Variants in PCDHA10 observed in about 807,000 individuals in gnomAD.
PCDHA10 encodes the protein protocadherin alpha 10.
PCDHA10 carries 45 observed loss-of-function variants against 61.2 expected under a neutral mutation model. The ratio of observed to expected loss-of-function variants is 0.74; its 90% confidence interval spans 0.58 to 0.94. The LOEUF is 0.94. Among genes scored for constraint, PCDHA10 ranks in the 40% least tolerant of loss-of-function variants. The probability of loss-of-function intolerance (pLI) is 0.00; values close to 1 mark genes in which losing one functional copy is unlikely to be tolerated. For missense variants in PCDHA10, 1,278 were observed against 1,236.2 expected (o/e 1.03, Z -0.51); for synonymous variants, 602 against 548.8 (o/e 1.10, Z -1.35).
At position 141,010,067 on chromosome 5, in the gene PCDHA10, G is replaced by C; in HGVS notation, c.*130G>C. 6.2e-7 allele frequency: 1 copy of C among 1,604,516 alleles called. No homozygotes were observed. The highest frequency in any genetic ancestry group is 1.1e-5 in the South Asian group (1 of 89,502). ...TAGAGACCTCAGAAATCTGCAGAAA[G>C]TTCCCTGTGTCTGTCTAGAACGCAT... On this transcript the variant is annotated 3_prime_UTR_variant, in exon 4 of 4. Coordinates refer to ENST00000307360, the MANE Select transcript of PCDHA10 (RefSeq NM_018901.4).
rs375481139 is a variant in PCDHA10 at position 140,894,977 on chromosome 5, C to T, written c.2388+36541C>T. ...AAAAATATAATTTTTTAATGTCTTA[C>T]TTTGTGACATCCTTTACCCTTTTTA... On this transcript the variant is annotated intron_variant, in intron 1 of 3. Coordinates refer to ENST00000307360, the MANE Select transcript of PCDHA10 (RefSeq NM_018901.4). Among the ~76,000 whole-genome samples the T allele has an allele frequency of 4.5e-4, 69 of 152,216 alleles. No homozygotes were observed. The South Asian group carries it at 0.014, about 30-fold the overall frequency.
At chr5:140,980,354 G>A (rs1387213682) in intron 2 of PCDHA10, among the ~76,000 whole-genome samples, 1 of 152,138 alleles carries the variant, frequency 6.6e-6, no homozygotes, top group Non-Finnish European at 1.5e-5. Flanking sequence ...TTCCTGGACT[G>A]GGCGCGGTGG....
At chr5:140,912,472 G>A (rs993404931) in intron 1 of PCDHA10, among the ~76,000 whole-genome samples, 4 of 151,836 alleles carry the variant, frequency 2.6e-5, no homozygotes, top group African/African-American at 9.7e-5. Context: ...GAACTTTACT[G>A]AATTCATTTA....
At position 140,856,803 on chromosome 5, in the gene PCDHA10, A is replaced by G; in HGVS notation, c.755A>G (p.Glu252Gly). Reference protein sequence around the residue: ...DRPVYEVKMYENQVNQTLVIR... With the variant: ...DRPVYEVKMYGNQVNQTLVIR... The stretch of plus-strand genomic sequence containing the variant: ...CCGGTTTATGAAGTTAAGATGTATG[A>G]AAATCAAGTGAACCAAACATTAGTA... The change falls in exon 1 of 4, where the codon GAA becomes GGA. Residue 252 changes from glutamate to glycine, a missense_variant. Coordinates refer to ENST00000307360, the MANE Select transcript of PCDHA10 (RefSeq NM_018901.4). 4 of 1,595,568 alleles carry G rather than the reference A, an allele frequency of 2.5e-6. No homozygotes were observed. The highest frequency in any genetic ancestry group is 3.4e-6 in the Non-Finnish European group (4 of 1,165,506).
At chr5:140,909,850 C>T (rs181576128) in intron 1 of PCDHA10, among the ~76,000 whole-genome samples, 30 of 152,294 alleles carry the variant, frequency 2.0e-4, no homozygotes, top group Admixed American at 5.9e-4. Flanking sequence ...AGGACGTTTT[C>T]GGTCCCCTGG....
chr5:140,878,567 G>T (rs562054144), intron 1 of PCDHA10, among the ~76,000 whole-genome samples: 1 of 152,268 alleles, frequency 6.6e-6, no homozygotes, highest in Non-Finnish European at 1.5e-5. Flanking sequence ...ACTTATCATA[G>T]TATACCACTG....
intron 1 of PCDHA10, among the ~76,000 whole-genome samples, chr5:140,970,978 A>G (rs2096449048): frequency 1.3e-5 from 2 of 152,188 alleles, no homozygotes; most frequent in African/African-American, 4.8e-5. Flanking sequence ...ATTAAGAAAA[A>G]TGGGGGAATA....
intron 1 of PCDHA10, chr5:140,969,314 G>T (rs200006206): frequency 6.2e-7 from 1 of 1,614,150 alleles, no homozygotes; most frequent in African/African-American, 1.3e-5. Context: ...CAAAAATGAG[G>T]CTGTTTCTCA....
chr5:140,878,516 G>C (rs2057626740), intron 1 of PCDHA10, among the ~76,000 whole-genome samples: 1 of 152,122 alleles, frequency 6.6e-6, no homozygotes, highest in African/African-American at 2.4e-5. Context: ...CAGTACAGTT[G>C]GTAACCAACT....
chr5:140,876,878 C>T (rs1305242755), intron 1 of PCDHA10: 1 of 1,614,118 alleles, frequency 6.2e-7, no homozygotes, highest in Admixed American at 1.7e-5. Context: ...GAGAACAACC[C>T]GCCGGGCTGC....
At position 140,856,066 on chromosome 5, in the gene PCDHA10, C is replaced by A; in HGVS notation, c.18C>A (p.Ser6Arg). 6.3e-7 allele frequency: 1 copy of A among 1,589,756 alleles called. No individual in the cohort carries two copies. The highest frequency in any genetic ancestry group is 8.6e-7 in the Non-Finnish European group (1 of 1,162,442). ...AGGATAAGATGGTTTCCAGATGTAG[C>A]TGCCTGGGGGTCCAGTGTCTGCTGC... MVSRCSCLGVQCLLLS... is the reference protein window; with the variant it reads MVSRCRCLGVQCLLLS... The change falls in exon 1 of 4, where the codon AGC becomes AGA. Residue 6 changes from serine to arginine, a missense_variant. Coordinates refer to ENST00000307360, the MANE Select transcript of PCDHA10 (RefSeq NM_018901.4).
At chr5:140,911,985 A>C (rs1554195072) in intron 1 of PCDHA10, among the ~76,000 whole-genome samples, 2 of 152,204 alleles carry the variant, frequency 1.3e-5, no homozygotes, top group African/African-American at 4.8e-5. Flanking sequence ...CATGATCACA[A>C]GGTCCCACAA....
At chr5:140,997,668 T>TTGTGTGTGTGTGTGTGTG (rs35184029) in intron 3 of PCDHA10, among the ~76,000 whole-genome samples, 77 of 148,344 alleles carry the variant, frequency 5.2e-4, no homozygotes, top group African/African-American at 1.8e-3. Context: ...ATTATACAGC[T>TTGTGTGTGTGTGTGTGTG]TGTGTGTGTG....
rs782516369 is a variant in PCDHA10 at position 140,857,545 on chromosome 5, C to T, written c.1497C>T (p.Gly499=). The T allele has an allele frequency of 1.9e-6, 3 of 1,596,810 alleles. 1 individual carries two copies. The highest frequency in any genetic ancestry group is 1.1e-5 in the South Asian group (1 of 90,486). Residue 499 remains glycine, a synonymous_variant, in exon 1 of 4, where the codon GGC becomes GGT. Transcript: ENST00000307360. ...ACTCTCTGGTGGAGCGGCGGTTGGGCGAGCGCTCGCTGTCGAGCTACGTGT... is the reference window on the plus strand; with the variant it reads ...ACTCTCTGGTGGAGCGGCGGTTGGGTGAGCGCTCGCTGTCGAGCTACGTGT... ...VSYSLVERRL[G]ERSLSSYVSV... is the part of the protein sequence containing the mutation.
intron 1 of PCDHA10, chr5:140,861,416 C>G: frequency 2.1e-6 from 1 of 477,054 alleles, no homozygotes; most frequent in South Asian, 1.6e-5. Flanking sequence ...TGATACCGCG[C>G]CTGTTTCAGT....
At chr5:141,000,415 ATATATATTTTTT>A (rs1251582263) in intron 3 of PCDHA10, among the ~76,000 whole-genome samples, 1 of 87,388 alleles carries the variant, frequency 1.1e-5, no homozygotes, top group East Asian at 3.4e-4. Context: ...ATATATATAT[ATATATATTTTTT>A]TTTTTTTTTT....
chr5:140,940,305 A>G (rs2092590184), intron 1 of PCDHA10, among the ~76,000 whole-genome samples: 1 of 152,126 alleles, frequency 6.6e-6, no homozygotes, highest in Non-Finnish European at 1.5e-5. Flanking sequence ...GTAATTTATT[A>G]TCTTTCTTCC....
chr5:140,974,328 C>G (rs2096623040), intron 1 of PCDHA10, among the ~76,000 whole-genome samples: 1 of 152,198 alleles, frequency 6.6e-6, no homozygotes, highest in Admixed American at 6.5e-5. Flanking sequence ...AGCTGCTGTG[C>G]TAGCAGGCTA....
intron 1 of PCDHA10, among the ~76,000 whole-genome samples, chr5:140,918,591 A>G (rs1554198702): frequency 6.6e-6 from 1 of 152,238 alleles, no homozygotes; most frequent in African/African-American, 2.4e-5. Context: ...TATATGTTCT[A>G]TAGATGTTGC....
Sources: gnomAD v4.1 joint callset for allele counts (sites outside exome capture counted in the v4.1 genomes callset) on GRCh38, gnomAD v4.1.1 for gene constraint, MANE v1.5 for transcripts, NCBI Gene and HGNC (gene_info 2026-07-23, HGNC 2026-07-21) for gene names.